SPEF2: variants seen among roughly 807,000 people sequenced by gnomAD.
SPEF2 encodes the protein sperm flagella and cilia-associated protein 2.
A neutral mutation model predicts 224.6 loss-of-function variants in SPEF2; 187 were observed. The observed-to-expected ratio is 0.83, with a 90% CI of 0.74 to 0.94. SPEF2 has a LOEUF of 0.94. Among genes scored for constraint, SPEF2 ranks in the 40% least tolerant of loss-of-function variants. SPEF2 has a pLI of 0.00. For synonymous variants in SPEF2, 715 were observed against 707.3 expected (o/e 1.01, Z -0.17); for missense variants, 2,170 against 2,135.6 (o/e 1.02, Z -0.32).
chr5:35,708,563 A>T, intron 18 of SPEF2, among the ~76,000 whole-genome samples: 1 of 174 alleles, frequency 5.7e-3, no homozygotes, highest in Non-Finnish European at 9.6e-3. Flanking sequence ...TACCATCACC[A>T]CTACCACACC....
intron 30 of SPEF2, among the ~76,000 whole-genome samples, chr5:35,781,860 A>G (rs1754397401): frequency 6.6e-6 from 1 of 152,122 alleles, no homozygotes; most frequent in Non-Finnish European, 1.5e-5. Flanking sequence ...GTTCATTGTT[A>G]TTATTCTTGC....
chr5:35,625,422 T>C (rs1460718092), intron 1 of SPEF2, among the ~76,000 whole-genome samples: 1 of 152,160 alleles, frequency 6.6e-6, no homozygotes, highest in African/African-American at 2.4e-5. Flanking sequence ...GGAAACGGAT[T>C]TAGTATTCCC....
chr5:35,696,101 G>T (rs759910709), intron 14 of SPEF2, among the ~76,000 whole-genome samples: 1 of 151,848 alleles, frequency 6.6e-6, no homozygotes. Context: ...CTTTTATTTC[G>T]CTCATACCCT....
intron 10 of SPEF2, among the ~76,000 whole-genome samples, chr5:35,673,400 G>A (rs2149486160): frequency 6.6e-6 from 1 of 152,280 alleles, no homozygotes; most frequent in Non-Finnish European, 1.5e-5. Flanking sequence ...TATATAAGCT[G>A]CTTACTAGCA....
chr5:35,715,737 A>G (rs967712671), intron 20 of SPEF2, among the ~76,000 whole-genome samples: 1 of 147,482 alleles, frequency 6.8e-6, no homozygotes, highest in Non-Finnish European at 1.5e-5. Flanking sequence ...ACTTTAAGTT[A>G]TATTTTTCCT....
intron 34 of SPEF2, 44 bp downstream of exon 34, chr5:35,800,191 G>GA: frequency 6.3e-7 from 1 of 1,580,288 alleles, no homozygotes; most frequent in Non-Finnish European, 8.6e-7. Flanking sequence ...GTCTAGAGGG[G>GA]ATGCCTGAAG....
intron 8 of SPEF2, among the ~76,000 whole-genome samples, chr5:35,665,372 G>A (rs1385633100): frequency 7.0e-6 from 1 of 143,114 alleles, no homozygotes; most frequent in Non-Finnish European, 1.5e-5. Flanking sequence ...TTTGGCAGAG[G>A]ATTGATGGTA....
chr5:35,700,628 A>G lies in SPEF2; in HGVS notation c.2274A>G (p.Lys758=). The G allele has an allele frequency of 1.2e-6, 2 of 1,613,952 alleles. No individual in the cohort carries two copies. The highest frequency in any genetic ancestry group is 1.7e-6 in the Non-Finnish European group (2 of 1,179,954). Residue 758 remains lysine, a synonymous_variant, in exon 16 of 37, where the codon AAA becomes AAG. Transcript: ENST00000356031. Reference sequence around the variant, plus strand: ...AAGTGGAAAGAAAAAAAGCACAAAAATCCACATTGGCTATTGATCCTGCGA... The same window carrying G: ...AAGTGGAAAGAAAAAAAGCACAAAAGTCCACATTGGCTATTGATCCTGCGA... ...LTEVERKKAQ[K]STLAIDPATS...
chr5:35,753,038 G>C (rs962046010), intron 23 of SPEF2, among the ~76,000 whole-genome samples: 39 of 150,264 alleles, frequency 2.6e-4, no homozygotes, highest in African/African-American at 8.8e-4. Context: ...TATATAAATA[G>C]TATGTTATAA....
chr5:35,620,662 T>C (rs1354531057), intron 1 of SPEF2, among the ~76,000 whole-genome samples: 1 of 152,216 alleles, frequency 6.6e-6, no homozygotes, highest in African/African-American at 2.4e-5. Context: ...CTTGGATACA[T>C]GGTGCTTTAT....
In SPEF2 at chr5:35,730,723, T is replaced by C. The variant is rs543065689; in HGVS notation, c.3063+2900T>C. ...TAGGAGAAAGTACTAATAAAGGAGG[T>C]GTAATAGTAAAGGAAGGATCTGGCA... On this transcript the variant is annotated intron_variant, in intron 21 of 36. Coordinates refer to ENST00000356031, the MANE Select transcript of SPEF2 (RefSeq NM_024867.4). Among the ~76,000 whole-genome samples, 12 of 151,712 alleles carry C rather than the reference T, an allele frequency of 7.9e-5. No individual in the cohort carries two copies. The East Asian group carries it at 2.3e-3, about 29-fold the overall frequency.
intron 3 of SPEF2, among the ~76,000 whole-genome samples, chr5:35,643,851 A>C (rs1395590729): frequency 6.6e-6 from 1 of 152,124 alleles, no homozygotes; most frequent in Admixed American, 6.6e-5. Flanking sequence ...CAGATGATGA[A>C]ACTAAGGCAC....
chr5:35,625,113 T>C (rs1744051189), intron 1 of SPEF2, among the ~76,000 whole-genome samples: 1 of 152,236 alleles, frequency 6.6e-6, no homozygotes, highest in African/African-American at 2.4e-5. Flanking sequence ...CTCACTGTTC[T>C]AGTTTCTGCT....
intron 20 of SPEF2, among the ~76,000 whole-genome samples, chr5:35,727,067 G>T (rs1744788550): frequency 6.8e-6 from 1 of 146,590 alleles, no homozygotes. Flanking sequence ...GATTCTGCCA[G>T]GCTTATGCCA....
intron 16 of SPEF2, among the ~76,000 whole-genome samples, chr5:35,704,156 T>A (rs1739267184): frequency 6.6e-6 from 1 of 152,184 alleles, no homozygotes; most frequent in Non-Finnish European, 1.5e-5. Context: ...TTGCATATAA[T>A]TTCAAGAAAT....
intron 23 of SPEF2, among the ~76,000 whole-genome samples, chr5:35,747,326 G>T (rs1307962007): frequency 6.6e-6 from 1 of 152,124 alleles, no homozygotes. Context: ...GAATGCAATG[G>T]TACCTCACAT....
intron 21 of SPEF2, among the ~76,000 whole-genome samples, chr5:35,732,040 A>G (rs962490054): frequency 1.2e-4 from 18 of 152,202 alleles, no homozygotes; most frequent in African/African-American, 3.6e-4. Context: ...GTTGTAATTT[A>G]AGAGCAAATT....
chr5:35,773,963 G>A lies in SPEF2; in HGVS notation c.4020G>A (p.Arg1340=), dbSNP rs1000841244. 3.1e-6 allele frequency: 5 copies of A among 1,613,228 alleles called. No homozygotes were observed. Among genetic ancestry groups the A allele is most frequent in the South Asian group, 1.1e-5 (1 of 91,020 alleles). ...CAGAGGAAATTGCTGAAATCAAAAG[G>A]AAAAATGAACTGAGGGTCAAAATAA... is the stretch of plus-strand genomic sequence containing the variant. ...VTTEEIAEIK[R]KNELRVKIKE... Residue 1340 remains arginine (R), a synonymous_variant, in exon 28 of 37, where the codon AGG becomes AGA. Coordinates refer to ENST00000356031, the MANE Select transcript of SPEF2 (RefSeq NM_024867.4).
intron 36 of SPEF2, among the ~76,000 whole-genome samples, chr5:35,809,484 G>A (rs1758407169): frequency 6.6e-6 from 1 of 152,116 alleles, no homozygotes; most frequent in Admixed American, 6.5e-5. Flanking sequence ...TGGAGAGAGG[G>A]AAAGGGACGT....
Sources: gnomAD v4.1 joint callset for allele counts (sites outside exome capture counted in the v4.1 genomes callset) on GRCh38, gnomAD v4.1.1 for gene constraint, MANE v1.5 for transcripts, NCBI Gene and HGNC (gene_info 2026-07-23, HGNC 2026-07-21) for gene names.